PPP1R16B: variants seen among roughly 807,000 people sequenced by gnomAD.
PPP1R16B encodes the protein protein phosphatase 1 regulatory subunit 16B.
PPP1R16B carries 14 observed loss-of-function variants against 61.7 expected under a neutral mutation model. The observed-to-expected ratio is 0.23, with a 90% CI of 0.15 to 0.35. The LOEUF (loss-of-function observed/expected upper bound fraction) is 0.35, where lower values mean the gene tolerates loss of function less well. PPP1R16B is among the 10% of genes least tolerant of loss of function. The pLI, the probability that PPP1R16B is intolerant of heterozygous loss-of-function variation, is 1.00. For missense variants in PPP1R16B, 547 were observed against 752.5 expected (o/e 0.73, Z 3.19); for synonymous variants, 266 against 305.3 (o/e 0.87, Z 1.34).
At chr20:38,898,258 T>C (rs1356344318) in intron 4 of PPP1R16B, among the ~76,000 whole-genome samples, 1 of 152,222 alleles carries the variant, frequency 6.6e-6, no homozygotes, top group African/African-American at 2.4e-5. Flanking sequence ...CTTTTCTCCA[T>C]TGAATGGCCT....
chr20:38,849,872 G>A (rs941619343), intron 2 of PPP1R16B, among the ~76,000 whole-genome samples: 1 of 152,120 alleles, frequency 6.6e-6, no homozygotes, highest in Admixed American at 6.5e-5. Context: ...GAGGTCAAGC[G>A]CTGCATTTAT....
At position 38,918,577 on chromosome 20, in the gene PPP1R16B, G is replaced by A. The variant is rs142224617; in HGVS notation, c.1615G>A (p.Val539Ile). The part of the protein sequence containing the change: ...SSNGTSVYYT[V>I]TSGDPPLLKF... ...CAATGGGACCTCGGTATATTACACG[G>A]TCACCAGCGGAGATCCCCCACTCTT... Residue 539 changes from valine to isoleucine, a missense_variant, in exon 11 of 11, where the codon GTC (valine) becomes ATC (isoleucine). Coordinates refer to ENST00000299824, the MANE Select transcript of PPP1R16B (RefSeq NM_015568.4). The surrounding 1 kb of genome is among the most constrained non-coding windows in gnomAD (Gnocchi z 5.3). 50 of 1,538,338 alleles carry A rather than the reference G, an allele frequency of 3.3e-5. No individual in the cohort carries two copies. The African/African-American group carries it at 5.9e-4, about 18-fold the overall frequency.
chr20:38,919,944 T>G lies in PPP1R16B; in HGVS notation c.*1278T>G, dbSNP rs1459906046. ...TTTGGGGATGCTTGGTGAGACAGAT[T>G]TGCCAGTCAGCCCTTTTGAGTTCCC... On this transcript the variant is annotated 3_prime_UTR_variant, in exon 11 of 11. Coordinates refer to ENST00000299824, the MANE Select transcript of PPP1R16B (RefSeq NM_015568.4). 6.6e-6 allele frequency: 1 copy of G among 152,098 alleles called. No homozygotes were observed. 9.4% of individuals were successfully genotyped at this position (152,098 alleles called of 1,614,324 possible).
chr20:38,850,046 C>T (rs1166096797), intron 2 of PPP1R16B, among the ~76,000 whole-genome samples: 2 of 152,196 alleles, frequency 1.3e-5, no homozygotes, highest in African/African-American at 4.8e-5. Context: ...GCTTCAGGCA[C>T]TTGTGGATGC....
At chr20:38,851,614 G>T (rs750843776) in intron 2 of PPP1R16B, among the ~76,000 whole-genome samples, 3 of 152,240 alleles carry the variant, frequency 2.0e-5, no homozygotes, top group Non-Finnish European at 4.4e-5. Flanking sequence ...GGCATTGGTT[G>T]TTCAGTGGTG....
rs551376563 is a variant in PPP1R16B at position 38,806,623 on chromosome 20, G to A, written c.-102+831G>A. On this transcript the variant is annotated intron_variant, in intron 1 of 10. Transcript: ENST00000299824. This position sits in a 1 kb window ranked among gnomAD's most constrained non-coding sequence, Gnocchi z 4.5. ...CCCCAAGGTCACCCGGAGTGCCCAG[G>A]CTGAGCTGCCCAGACCGCCCCGGGT... is the stretch of plus-strand genomic sequence containing the variant. 6.8e-4 allele frequency among the ~76,000 whole-genome samples: 104 copies of A among 152,244 alleles called. 1 individual carries two copies. Among genetic ancestry groups the A allele is most frequent in the Admixed American group, 6.5e-3 (100 of 15,306 alleles).
rs549227157 is a variant in PPP1R16B at position 38,919,361 on chromosome 20, A to G, written c.*695A>G. The G allele has an allele frequency of 6.6e-6, 1 of 152,442 alleles. No homozygotes were observed. The highest frequency in any genetic ancestry group is 2.1e-4 in the South Asian group (1 of 4,816). 9.4% of individuals were successfully genotyped at this position (152,442 alleles called of 1,614,324 possible). The stretch of plus-strand genomic sequence containing the variant: ...CTTGTTGAGAGCCACACTTCTGCCC[A>G]TGCCAGGAGCCAGCTGTGTGACCAT... On this transcript the variant is annotated 3_prime_UTR_variant, in exon 11 of 11. Coordinates refer to ENST00000299824, the MANE Select transcript of PPP1R16B (RefSeq NM_015568.4).
At chr20:38,888,366 C>T (rs1223452059) in intron 2 of PPP1R16B, among the ~76,000 whole-genome samples, 1 of 152,232 alleles carries the variant, frequency 6.6e-6, no homozygotes, top group Non-Finnish European at 1.5e-5. Context: ...TCAAGTTCGT[C>T]CACTTGCCCC....
chr20:38,909,859 AG>A (rs1280550402), intron 10 of PPP1R16B, among the ~76,000 whole-genome samples: 1 of 152,232 alleles, frequency 6.6e-6, no homozygotes, highest in South Asian at 2.1e-4. Context: ...AGGATTGGTG[AG>A]AAAAGAGATG....
At chr20:38,906,387 G>C (rs2085443921) in intron 7 of PPP1R16B, among the ~76,000 whole-genome samples, 1 of 142,168 alleles carries the variant, frequency 7.0e-6, no homozygotes, top group Non-Finnish European at 1.5e-5. Context: ...TCCATCTCCT[G>C]GGTTCAAACA....
At chr20:38,910,669 G>C (rs2145782602) in intron 10 of PPP1R16B, among the ~76,000 whole-genome samples, 1 of 151,966 alleles carries the variant, frequency 6.6e-6, no homozygotes, top group Admixed American at 6.6e-5. Flanking sequence ...GGGTAGCTGG[G>C]ACTATAGGCA....
rs550648668 is a variant in PPP1R16B at position 38,825,141 on chromosome 20, T to C, written c.-101-10684T>C. ...GCAAATTGTGTTCCCCTTCCTCTTA[T>C]GCTGGTAATGGTGTGGAGCCCAAGA... On this transcript the variant is annotated intron_variant, in intron 1 of 10. Coordinates refer to ENST00000299824, the MANE Select transcript of PPP1R16B (RefSeq NM_015568.4). 2.9e-4 allele frequency among the ~76,000 whole-genome samples: 44 copies of C among 152,350 alleles called. 1 individual carries two copies. In the South Asian group the frequency reaches 5.0e-3, roughly 17 times the overall value.
At chr20:38,902,552 C>T in intron 5 of PPP1R16B, 116 bp from the exon 6 acceptor site, 1 of 1,418,932 alleles carries the variant, frequency 7.0e-7, no homozygotes, top group Admixed American at 1.8e-5. Context: ...GTCTGCATGC[C>T]CGCTTGACTG....
intron 10 of PPP1R16B, among the ~76,000 whole-genome samples, chr20:38,909,719 G>C (rs2085474002): frequency 6.6e-6 from 1 of 152,192 alleles, no homozygotes; most frequent in Non-Finnish European, 1.5e-5. Flanking sequence ...CACGAACAGT[G>C]GGGTCACCTA....
At chr20:38,894,402 T>C (rs2145764834) in intron 3 of PPP1R16B, among the ~76,000 whole-genome samples, 1 of 152,312 alleles carries the variant, frequency 6.6e-6, no homozygotes, top group Admixed American at 6.5e-5. Context: ...CCATCATCTC[T>C]TAACTGGGTG....
chr20:38,879,190 C>T (rs144119018), intron 2 of PPP1R16B, among the ~76,000 whole-genome samples: 26 of 152,114 alleles, frequency 1.7e-4, no homozygotes, highest in African/African-American at 5.5e-4. Context: ...GTTCCAAGTT[C>T]GTGTTTCTGG....
rs546739967 is a variant in PPP1R16B at position 38,874,987 on chromosome 20, C to T, written c.251-14608C>T. 2.9e-3 allele frequency among the ~76,000 whole-genome samples: 445 copies of T among 152,320 alleles called. 2 individuals carry two copies. The highest frequency in any genetic ancestry group is 4.4e-3 in the Non-Finnish European group (299 of 68,026). Reference sequence around the variant, plus strand: ...TCAGGGCTGGGCAACAGCAAGTGCTCAGTAAACATGAGCTCTTCTTATCGC... The same window carrying T: ...TCAGGGCTGGGCAACAGCAAGTGCTTAGTAAACATGAGCTCTTCTTATCGC... On this transcript the variant is annotated intron_variant, in intron 2 of 10. Coordinates refer to ENST00000299824, the MANE Select transcript of PPP1R16B (RefSeq NM_015568.4).
At chr20:38,852,012 G>C (rs2084972167) in intron 2 of PPP1R16B, among the ~76,000 whole-genome samples, 1 of 152,182 alleles carries the variant, frequency 6.6e-6, no homozygotes, top group Non-Finnish European at 1.5e-5. Flanking sequence ...CAGCCTGGGT[G>C]ACAGAGCAAG....
At chr20:38,850,916 C>T (rs1384265630) in intron 2 of PPP1R16B, among the ~76,000 whole-genome samples, 1 of 146,382 alleles carries the variant, frequency 6.8e-6, no homozygotes, top group African/African-American at 2.5e-5. Flanking sequence ...TGCAGTGAGC[C>T]GAGATCATGC....
Sources: allele counts gnomAD v4.1 joint callset (sites outside exome capture counted in the v4.1 genomes callset), GRCh38; gene constraint gnomAD v4.1.1; non-coding constraint Gnocchi (gnomAD v3.1); transcripts MANE v1.5; gene names NCBI Gene and HGNC (gene_info 2026-07-23, HGNC 2026-07-21).